CSDC2: variants seen among roughly 807,000 people sequenced by gnomAD.
The protein encoded by CSDC2 is cold shock domain-containing protein C2.
In CSDC2, 8 loss-of-function variants were observed where a neutral mutation model predicts 15.8. That is an observed-to-expected ratio of 0.51 (90% CI 0.30 to 0.92). The LOEUF (loss-of-function observed/expected upper bound fraction) is 0.92. CSDC2 is among the 40% of genes least tolerant of loss of function. CSDC2 has a pLI of 0.07. For synonymous variants in CSDC2, 96 were observed against 92.3 expected (o/e 1.04, Z -0.23); for missense variants, 195 against 213.3 (o/e 0.91, Z 0.53).
chr22:41,566,143 TAAAAAAAA>T (rs35579661), intron 1 of CSDC2, among the ~76,000 whole-genome samples: 2 of 103,288 alleles, frequency 1.9e-5, no homozygotes, highest in East Asian at 5.5e-4. Flanking sequence ...CATCTCTGAT[TAAAAAAAA>T]AAAAAAAAAA....
intron 1 of CSDC2, among the ~76,000 whole-genome samples, chr22:41,569,843 G>A (rs1042073789): frequency 2.1e-5 from 3 of 145,882 alleles, no homozygotes; most frequent in African/African-American, 7.7e-5. Context: ...GCAATGGTGT[G>A]GTCTTGGCTT....
At chr22:41,569,192 C>T (rs1028950013) in intron 1 of CSDC2, among the ~76,000 whole-genome samples, 12 of 152,260 alleles carry the variant, frequency 7.9e-5, no homozygotes, top group African/African-American at 2.9e-4. Context: ...AAGGAGTGCA[C>T]TGCAGGGCGT....
chr22:41,574,684 G>T (rs752960719), intron 3 of CSDC2, 49 bp from the exon 4 acceptor site: 6 of 1,596,970 alleles, frequency 3.8e-6, no homozygotes, highest in Non-Finnish European at 5.1e-6. Context: ...AGGATTGTCT[G>T]GGGCACAGGG....
At chr22:41,565,374 C>T (rs567045924) in intron 1 of CSDC2, among the ~76,000 whole-genome samples, 3 of 147,626 alleles carry the variant, frequency 2.0e-5, no homozygotes, top group South Asian at 2.2e-4. Context: ...TGCTTGAACC[C>T]GGGAGGCAGA....
At chr22:41,573,515 G>C (rs2067158546) in intron 2 of CSDC2, 140 bp from the exon 3 acceptor site, 2 of 970,988 alleles carry the variant, frequency 2.1e-6, no homozygotes, top group South Asian at 1.6e-5. Context: ...CGTTGAATGG[G>C]GATGACTGTG....
At chr22:41,574,143 G>A (rs913121102) in intron 3 of CSDC2, among the ~76,000 whole-genome samples, 3 of 152,222 alleles carry the variant, frequency 2.0e-5, no homozygotes, top group Non-Finnish European at 4.4e-5. Context: ...CACTTCTAAT[G>A]CCAGGAGGAC....
At chr22:41,571,487 T>C (rs2067144850) in intron 1 of CSDC2, among the ~76,000 whole-genome samples, 4 of 152,190 alleles carry the variant, frequency 2.6e-5, no homozygotes, top group Admixed American at 1.3e-4. Flanking sequence ...TGGCTTGGCT[T>C]GCTTGAAGTC....
At chr22:41,566,539 G>C (rs1230725273) in intron 1 of CSDC2, among the ~76,000 whole-genome samples, 2 of 147,458 alleles carry the variant, frequency 1.4e-5, no homozygotes, top group Non-Finnish European at 3.0e-5. Context: ...TTTGAGGCAG[G>C]AGAATCACTT....
chr22:41,566,462 A>C (rs1394555310), intron 1 of CSDC2, among the ~76,000 whole-genome samples: 1 of 149,136 alleles, frequency 6.7e-6, no homozygotes, highest in African/African-American at 2.5e-5. Flanking sequence ...AAAAAAAAAA[A>C]AAAAACACAC....
chr22:41,571,110 T>C (rs2067143437), intron 1 of CSDC2, among the ~76,000 whole-genome samples: 1 of 152,042 alleles, frequency 6.6e-6, no homozygotes, highest in East Asian at 1.9e-4. Flanking sequence ...CCCAGCACTT[T>C]GGGAGACCAA....
chr22:41,573,919 G>C, intron 3 of CSDC2, 142 bp downstream of exon 3: 1 of 1,135,548 alleles, frequency 8.8e-7, no homozygotes, highest in Admixed American at 2.8e-5. Context: ...TAGGGGCTGA[G>C]GGTGCGTTGG....
chr22:41,574,849 C>T lies in CSDC2; in HGVS notation c.416C>T (p.Pro139Leu), dbSNP rs766176786. ...AVEVVLTQLA[P>L]HTPHETWSGQ... The stretch of plus-strand genomic sequence containing the variant: ...GAGGTGGTGCTCACTCAGCTGGCCC[C>T]CCACACTCCCCACGAGACGTGGTCT... The change falls in exon 4 of 4, where the codon CCC becomes CTC. Residue 139 changes from proline to leucine, a missense_variant. Pro to Leu is a moderately conservative substitution (Grantham distance 98). Transcript: ENST00000306149. The T allele has an allele frequency of 6.8e-6, 11 of 1,610,160 alleles. No individual in the cohort carries two copies. The highest frequency in any genetic ancestry group is 9.3e-6 in the Non-Finnish European group (11 of 1,178,576).
At chr22:41,562,257 C>A (rs944326939) in intron 1 of CSDC2, among the ~76,000 whole-genome samples, 6 of 152,008 alleles carry the variant, frequency 3.9e-5, no homozygotes, top group Admixed American at 2.6e-4. Context: ...GTTTCCCAAA[C>A]CTGACTCCAT....
At position 41,574,737 on chromosome 22, in the gene CSDC2, G is replaced by A. The variant is rs980039019; in HGVS notation, c.304G>A (p.Glu102Lys). 2 of 1,613,642 alleles carry A rather than the reference G, an allele frequency of 1.2e-6. No individual in the cohort carries two copies. The highest frequency in any genetic ancestry group is 1.7e-6 in the Non-Finnish European group (2 of 1,179,998). ...EDIFVHVSDI[E>K]GEYVPVEGDE... ...ACCCCTCTTCCTGCCCGCCAGCATC[G>A]AGGGGGAGTACGTGCCAGTGGAGGG... Residue 102 changes from glutamate (E) to lysine (K), a missense_variant, in exon 4 of 4, where the codon GAG (glutamate) becomes AAG (lysine). By Grantham distance (56) the Glu-to-Lys change is moderately conservative. Transcript: ENST00000306149.
In CSDC2 at chr22:41,575,308, TC is replaced by T. The variant is rs1217889281; in HGVS notation, c.*414del. On this transcript the variant is annotated 3_prime_UTR_variant, in exon 4 of 4. Transcript: ENST00000306149. Reference sequence around the variant, plus strand: ...GTCAGTCCCTGGCCCGGAGCCAGGCTCTCTGTGCTACTTACATCTCCCTCCC... The same window carrying T: ...GTCAGTCCCTGGCCCGGAGCCAGGCTTCTGTGCTACTTACATCTCCCTCCC... 18 of 201,006 alleles carry T rather than the reference TC, an allele frequency of 9.0e-5. No individual in the cohort carries two copies. The highest frequency in any genetic ancestry group is 4.2e-4 in the African/African-American group (18 of 43,142). 12.5% of individuals were successfully genotyped at this position (201,006 alleles called of 1,614,324 possible).
intron 1 of CSDC2, among the ~76,000 whole-genome samples, chr22:41,564,322 C>G (rs1049860401): frequency 6.6e-6 from 1 of 151,766 alleles, no homozygotes; most frequent in Non-Finnish European, 1.5e-5. Flanking sequence ...TGCAGTGGCG[C>G]GATCTCGGCT....
intron 1 of CSDC2, among the ~76,000 whole-genome samples, chr22:41,567,790 G>GCCT (rs1460370635): frequency 6.6e-6 from 1 of 152,234 alleles, no homozygotes; most frequent in Non-Finnish European, 1.5e-5. Context: ...ACCTCTTTGA[G>GCCT]CCTCGATTTT....
At chr22:41,562,927 C>T (rs1025687327) in intron 1 of CSDC2, among the ~76,000 whole-genome samples, 3 of 152,234 alleles carry the variant, frequency 2.0e-5, no homozygotes, top group East Asian at 3.9e-4. Context: ...CTATTCCTCT[C>T]TCTAGGGGGT....
At chr22:41,566,441 TAAAAAAAA>T (rs754976750) in intron 1 of CSDC2, among the ~76,000 whole-genome samples, 1 of 45,804 alleles carries the variant, frequency 2.2e-5, no homozygotes, top group African/African-American at 1.0e-4. Flanking sequence ...AGACTCCATC[TAAAAAAAA>T]AAAAAAAAAA....
Sources: gnomAD v4.1 joint callset for allele counts (sites outside exome capture counted in the v4.1 genomes callset) on GRCh38, gnomAD v4.1.1 for gene constraint, MANE v1.5 for transcripts, NCBI Gene and HGNC (gene_info 2026-07-23, HGNC 2026-07-21) for gene names.